The following RYR3 variants were observed in gnomAD, a reference collection of about 807,000 sequenced individuals.
RYR3 encodes the protein ryanodine receptor 3, also known as brain ryanodine receptor-calcium release channel.
RYR3 carries 207 observed loss-of-function variants against 584.3 expected under a neutral mutation model. The ratio of observed to expected loss-of-function variants is 0.35; its 90% CI spans 0.32 to 0.40. The LOEUF is 0.40. RYR3 is among the 10% of genes least tolerant of loss of function. The probability of loss-of-function intolerance (pLI) is 1.00; values close to 1 mark genes in which losing one functional copy is unlikely to be tolerated. For synonymous variants in RYR3, 2,416 were observed against 2,248.5 expected (o/e 1.07, Z -2.11); for missense variants, 5,616 against 6,089.2 (o/e 0.92, Z 2.59).
chr15:33,431,847 T>C (rs1388118982), intron 1 of RYR3, among the ~76,000 whole-genome samples: 2 of 152,218 alleles, frequency 1.3e-5, no homozygotes, highest in African/African-American at 4.8e-5. Context: ...ATTACTGATC[T>C]AATTTAAGCC....
intron 18 of RYR3, among the ~76,000 whole-genome samples, chr15:33,608,026 T>A (rs927194509): frequency 2.0e-5 from 3 of 152,258 alleles, no homozygotes; most frequent in Admixed American, 1.3e-4. Context: ...CCAGGCAGTC[T>A]GGTTCCAGAA....
intron 1 of RYR3, among the ~76,000 whole-genome samples, chr15:33,397,869 GA>G (rs1455782497): frequency 6.6e-6 from 1 of 152,234 alleles, no homozygotes; most frequent in East Asian, 1.9e-4. Flanking sequence ...AACCACAGAA[GA>G]GGGGGGTGTA....
chr15:33,574,333 A>G (rs539992288), intron 12 of RYR3, among the ~76,000 whole-genome samples: 1 of 152,336 alleles, frequency 6.6e-6, no homozygotes, highest in African/African-American at 2.4e-5. Context: ...CTGGACCAAA[A>G]TATTGAGGAA....
intron 8 of RYR3, among the ~76,000 whole-genome samples, chr15:33,544,084 G>A (rs544721241): frequency 1.3e-5 from 2 of 152,268 alleles, no homozygotes; most frequent in African/African-American, 4.8e-5. Flanking sequence ...AATAGCATTA[G>A]AGAAACTGAT....
Position 33,841,904 on chromosome 15 carries a change from G to A in RYR3, c.13078G>A (p.Glu4360Lys). 6.3e-7 allele frequency: 1 copy of A among 1,596,504 alleles called. No individual in the cohort carries two copies. Among genetic ancestry groups the A allele is most frequent in the Non-Finnish European group, 8.5e-7 (1 of 1,171,522 alleles). ...GEKEDKDKEE[E>K]QAEYLWTEVT... is the part of the protein sequence containing the mutation. ...GAAGGAAGACAAAGACAAAGAAGAG[G>A]AGCAAGCTGAGTACCTGTGGACAGA... is the stretch of plus-strand genomic sequence containing the variant. The change falls in exon 91 of 104, where the codon GAG becomes AAG. Residue 4360 changes from glutamate (E) to lysine (K), a missense_variant. Physicochemically the swap from Glu to Lys is moderately conservative, Grantham distance 56. This residue lies in a region of RYR3 where 918 missense variants were observed against 887.4 expected (regional missense o/e 1.03). Coordinates refer to ENST00000634891, the MANE Select transcript of RYR3 (RefSeq NM_001036.6).
At chr15:33,805,296 A>G (rs1245902042) in intron 69 of RYR3, among the ~76,000 whole-genome samples, 1 of 152,118 alleles carries the variant, frequency 6.6e-6, no homozygotes, top group Non-Finnish European at 1.5e-5. Context: ...AGAGTGCCTC[A>G]TTGTTCAAAG....
At chr15:33,808,792 G>A (rs1044797727) in intron 70 of RYR3, among the ~76,000 whole-genome samples, 1 of 152,144 alleles carries the variant, frequency 6.6e-6, no homozygotes, top group African/African-American at 2.4e-5. Context: ...AACACCAGGA[G>A]GCTCCTTCTC....
intron 20 of RYR3, among the ~76,000 whole-genome samples, chr15:33,627,557 G>C (rs2061056879): frequency 6.6e-6 from 1 of 152,200 alleles, no homozygotes; most frequent in South Asian, 2.1e-4. Flanking sequence ...ATATGCAAGG[G>C]CACAGAACTG....
rs2078082200 is a variant in RYR3 at position 33,836,791 on chromosome 15, C to G, written c.11569-115C>G. On this transcript the variant is annotated intron_variant, in intron 87 of 103. Coordinates refer to ENST00000634891, the MANE Select transcript of RYR3 (RefSeq NM_001036.6). ...ATTCAGAATGAGAAGGAAGCTCTTT[C>G]CCGACACTGATGCAGCCTGCACCTA... 8 of 695,388 alleles carry G rather than the reference C, an allele frequency of 1.2e-5. No individual in the cohort carries two copies. In the South Asian group the frequency reaches 1.4e-4, roughly 12 times the overall value. 43.1% of individuals were successfully genotyped at this position (695,388 alleles called of 1,614,324 possible).
chr15:33,833,149 A>G (rs949157092), intron 86 of RYR3, among the ~76,000 whole-genome samples: 4 of 152,198 alleles, frequency 2.6e-5, no homozygotes, highest in African/African-American at 9.6e-5. Flanking sequence ...ATAAGAAATA[A>G]TGTCGGCAAT....
Position 33,840,881 on chromosome 15 carries a change from A to G in RYR3, c.13035A>G (p.Ala4345=). ...EAEGKVESEK[A]DMEDGEKEDK... is the part of the protein sequence containing the mutation. ...AAGGAAAAGTAGAATCCGAGAAGGC[A>G]GAGTAAGTTCTTGGTAGCATCAACT... The change falls in exon 90 of 104, where the codon GCA becomes GCG. Residue 4345 remains alanine (A), a splice_region_variant and synonymous_variant. Transcript: ENST00000634891. 1 of 1,613,814 alleles carries G rather than the reference A, an allele frequency of 6.2e-7. No homozygotes were observed. Among genetic ancestry groups the G allele is most frequent in the Non-Finnish European group, 8.5e-7 (1 of 1,179,802 alleles).
At chr15:33,672,979 C>T (rs919607683) in intron 38 of RYR3, among the ~76,000 whole-genome samples, 9 of 152,184 alleles carry the variant, frequency 5.9e-5, no homozygotes, top group African/African-American at 1.4e-4. Context: ...ACCTAAGGTA[C>T]GTAAAGTGAG....
chr15:33,384,986 C>T (rs1331474991), intron 1 of RYR3, among the ~76,000 whole-genome samples: 1 of 152,088 alleles, frequency 6.6e-6, no homozygotes, highest in Non-Finnish European at 1.5e-5. Context: ...AATATTTTAG[C>T]CTTGATGTTT....
At chr15:33,821,145 T>G in intron 78 of RYR3, 125 bp from the exon 79 acceptor site, 1 of 710,984 alleles carries the variant, frequency 1.4e-6, no homozygotes, top group Non-Finnish European at 2.4e-6. Context: ...AGAAGTCTGC[T>G]TTATCCAAGT....
chr15:33,816,976 TG>T lies in RYR3; in HGVS notation c.10599+21del, dbSNP rs757483812. On this transcript the variant is annotated intron_variant, in intron 75 of 103. Transcript: ENST00000634891. ...ATTTGGCTGTAAGTACTGACTCCCC[TG>T]GGAGCAGATATGAGTGTGGATGAAT... The T allele has an allele frequency of 2.1e-5, 31 of 1,449,936 alleles. No individual in the cohort carries two copies. The highest frequency in any genetic ancestry group is 2.7e-5 in the Non-Finnish European group (28 of 1,037,404). The allele number at this position is 1,449,936 out of a possible 1,614,324, so 89.8% of individuals were successfully genotyped here.
chr15:33,337,816 A>C (rs1049617918), intron 1 of RYR3, among the ~76,000 whole-genome samples: 1 of 152,126 alleles, frequency 6.6e-6, no homozygotes, highest in East Asian at 1.9e-4. Context: ...GTATGTTCAT[A>C]GTACTGAACA....
chr15:33,558,092 T>C (rs2057188122), intron 10 of RYR3, among the ~76,000 whole-genome samples: 1 of 129,816 alleles, frequency 7.7e-6, no homozygotes, highest in Admixed American at 7.5e-5. Flanking sequence ...CATTCTTTTT[T>C]AAATTTATTT....
chr15:33,688,092 A>G (rs111790884), intron 38 of RYR3, among the ~76,000 whole-genome samples: 1 of 152,242 alleles, frequency 6.6e-6, no homozygotes, highest in East Asian at 1.9e-4. Context: ...GAGCTTCTGC[A>G]CAGCAAAAGA....
intron 13 of RYR3, among the ~76,000 whole-genome samples, chr15:33,581,050 G>A (rs1385684399): frequency 1.3e-5 from 2 of 150,830 alleles, no homozygotes; most frequent in African/African-American, 4.9e-5. Flanking sequence ...GGGGGCCGGG[G>A]GGGTGGGGAG....
Sources: allele counts gnomAD v4.1 joint callset (sites outside exome capture counted in the v4.1 genomes callset), GRCh38; gene constraint gnomAD v4.1.1; regional missense constraint gnomAD v4.1.1; transcripts MANE v1.5; gene names NCBI Gene and HGNC (gene_info 2026-07-23, HGNC 2026-07-21).